FAM120C: variants seen among roughly 807,000 people sequenced by gnomAD.
FAM120C encodes the protein constitutive coactivator of PPAR-gamma-like protein 2.
Under a neutral mutation model 71.2 loss-of-function variants are expected in FAM120C, and 14 were observed. The ratio of observed to expected loss-of-function variants is 0.20; its 90% CI spans 0.13 to 0.31. The LOEUF (loss-of-function observed/expected upper bound fraction) is 0.31. FAM120C is among the 10% of genes least tolerant of loss of function. FAM120C has a pLI of 1.00. For missense variants in FAM120C, 500 were observed against 879.0 expected (o/e 0.57, Z 5.45); for synonymous variants, 354 against 353.2 (o/e 1.00, Z -0.03).
At chrX:54,111,127 G>A (rs987408630) in intron 10 of FAM120C, among the ~76,000 whole-genome samples, 2 of 110,319 alleles carry the variant, frequency 1.8e-5, no homozygotes, top group Non-Finnish European at 3.8e-5. Flanking sequence ...AGACTGAGGC[G>A]GGAGGATCAC....
At chrX:54,083,791 C>T (rs1025198620) in intron 13 of FAM120C, among the ~76,000 whole-genome samples, 26 of 111,142 alleles carry the variant, frequency 2.3e-4, no homozygotes, top group Non-Finnish European at 1.1e-4. Flanking sequence ...GATCTTGGCT[C>T]ACTGCAATCC....
chrX:54,098,465 T>A (rs1162268903), intron 10 of FAM120C, among the ~76,000 whole-genome samples: 1 of 111,841 alleles, frequency 8.9e-6, no homozygotes, highest in Non-Finnish European at 1.9e-5. Flanking sequence ...CAACACTTGC[T>A]GGATGTCTTC....
intron 10 of FAM120C, among the ~76,000 whole-genome samples, chrX:54,095,605 C>T (rs1475138903): frequency 9.0e-6 from 1 of 111,536 alleles, no homozygotes; most frequent in Admixed American, 9.6e-5. Context: ...CCTCGGCCTC[C>T]CAAAGTGTTG....
Position 54,182,623 on chromosome X carries a change from C to G in FAM120C, c.576G>C (p.Gln192His). The G allele has an allele frequency of 1.8e-5, 22 of 1,207,700 alleles. No homozygotes were observed. Among genetic ancestry groups the G allele is most frequent in the Non-Finnish European group, 2.5e-5 (22 of 894,150 alleles). ...CGTGTCCCACGATCAGTTGCGCTGT[C>G]TGCCGCTCGGCCTGGCACCGACGGC... The part of the protein sequence containing the change: ...EWGRRCQAER[Q>H]TAQLIVGHVG... The change falls in exon 1 of 16, where the codon CAG becomes CAC. Residue 192 changes from glutamine (Q) to histidine (H), a missense_variant. Gln to His is a conservative substitution (Grantham distance 24, BLOSUM62 0). Around this residue, in one of 11 missense-constraint regions of FAM120C, gnomAD observed 45 missense variants for 140.2 expected, o/e 0.32. Coordinates refer to ENST00000375180, the MANE Select transcript of FAM120C (RefSeq NM_017848.6).
At chrX:54,137,762 T>G (rs1557130858) in intron 4 of FAM120C, among the ~76,000 whole-genome samples, 2 of 111,663 alleles carry the variant, frequency 1.8e-5, no homozygotes, top group Non-Finnish European at 3.8e-5. Context: ...CCACTACATA[T>G]CCACCAAAAT....
intron 4 of FAM120C, among the ~76,000 whole-genome samples, chrX:54,140,379 T>G (rs1467192027): frequency 3.8e-5 from 4 of 105,722 alleles, no homozygotes; most frequent in Non-Finnish European, 7.8e-5. Context: ...AGCACTTTGG[T>G]AAGCTGAGGC....
rs2066884162 is a variant in FAM120C at position 54,101,901 on chromosome X, A to T, written c.2313-10475T>A. 2.7e-5 allele frequency among the ~76,000 whole-genome samples: 3 copies of T among 111,901 alleles called. No homozygotes were observed. In the South Asian group the frequency reaches 1.1e-3, roughly 42 times the overall value. ...TCTTCTTGTGCTCTAAGCCTTCACT[A>T]GAATCTTGGTGTTTTGTAGCCTGCT... On this transcript the variant is annotated intron_variant, in intron 10 of 15. Transcript: ENST00000375180.
At chrX:54,112,522 A>G (rs1557125896) in intron 10 of FAM120C, among the ~76,000 whole-genome samples, 2 of 109,007 alleles carry the variant, frequency 1.8e-5, no homozygotes, top group Non-Finnish European at 3.8e-5. Flanking sequence ...CCTGACCAAC[A>G]TGGAGAAACC....
chrX:54,173,893 G>T (rs1188531726), intron 1 of FAM120C: 2 of 354,605 alleles, frequency 5.6e-6, no homozygotes, highest in Non-Finnish European at 9.8e-6. Flanking sequence ...TGGCTTAGCT[G>T]GGTCCTCTGG....
intron 9 of FAM120C, among the ~76,000 whole-genome samples, chrX:54,124,747 C>T (rs2067017091): frequency 9.0e-6 from 1 of 111,722 alleles, no homozygotes; most frequent in Admixed American, 9.5e-5. Context: ...TCCTCCCCAC[C>T]GACCTAGAAG....
intron 11 of FAM120C, among the ~76,000 whole-genome samples, chrX:54,088,390 G>A (rs1178577937): frequency 1.8e-5 from 2 of 109,584 alleles, no homozygotes; most frequent in African/African-American, 6.6e-5. Flanking sequence ...TCAGGAGTTC[G>A]AGACCAGCCT....
At chrX:54,143,789 G>T in intron 4 of FAM120C, among the ~76,000 whole-genome samples, 1 of 111,930 alleles carries the variant, frequency 8.9e-6, no homozygotes, top group Non-Finnish European at 1.9e-5. Context: ...AACAGAAAAA[G>T]AGGGAATCCT....
intron 10 of FAM120C, among the ~76,000 whole-genome samples, chrX:54,091,750 T>C (rs782796583): frequency 1.8e-5 from 2 of 111,717 alleles, no homozygotes; most frequent in African/African-American, 6.5e-5. Context: ...AGAGTTCAGT[T>C]TCAAAGGGCC....
chrX:54,137,714 C>T (rs2067101809), intron 4 of FAM120C, among the ~76,000 whole-genome samples: 1 of 111,158 alleles, frequency 9.0e-6, no homozygotes, highest in Admixed American at 9.7e-5. Flanking sequence ...ACATTAAAAC[C>T]AAAGGCACTT....
chrX:54,078,137 G>A (rs1233475650), intron 15 of FAM120C, among the ~76,000 whole-genome samples: 1 of 104,453 alleles, frequency 9.6e-6, no homozygotes, highest in Non-Finnish European at 2.0e-5. Flanking sequence ...TAGAGACGGG[G>A]TTTCACCTTG....
chrX:54,091,593 GT>G (rs1264453862), intron 10 of FAM120C, among the ~76,000 whole-genome samples, 167 bp from the exon 11 acceptor site: 10 of 112,229 alleles, frequency 8.9e-5, no homozygotes, highest in Middle Eastern at 4.6e-3. Flanking sequence ...AGTCTGGGTG[GT>G]AGAGGAAAAG....
intron 15 of FAM120C, among the ~76,000 whole-genome samples, chrX:54,075,910 C>T (rs1374162961): frequency 4.6e-5 from 5 of 108,879 alleles, no homozygotes; most frequent in Admixed American, 9.8e-5. Flanking sequence ...GTCAGGAGTT[C>T]GAGACCAGCC....
intron 10 of FAM120C, among the ~76,000 whole-genome samples, chrX:54,112,924 G>A (rs1290386024): frequency 3.6e-5 from 4 of 110,455 alleles, no homozygotes; most frequent in Admixed American, 9.7e-5. Context: ...GGAGGCTGAA[G>A]CAGGAGAATC....
At chrX:54,156,055 G>A (rs1022135425) in intron 3 of FAM120C, among the ~76,000 whole-genome samples, 48 of 111,292 alleles carry the variant, frequency 4.3e-4, no homozygotes, top group African/African-American at 1.6e-3. Context: ...CCACAGAGGG[G>A]ATAACACCTT....
Sources: allele counts gnomAD v4.1 joint callset (sites outside exome capture counted in the v4.1 genomes callset), GRCh38; gene constraint gnomAD v4.1.1; regional missense constraint gnomAD v4.1.1; transcripts MANE v1.5; gene names NCBI Gene and HGNC (gene_info 2026-07-23, HGNC 2026-07-21).